Variants in GYG2 observed in about 807,000 individuals in gnomAD.
GYG2 encodes glycogenin-2.
GYG2 carries 29 observed loss-of-function variants against 29.4 expected under a neutral mutation model. That is an observed-to-expected ratio of 0.99 (90% CI 0.74 to 1.35). The LOEUF is 1.35. Ranked by LOEUF, GYG2 falls within the 40% of genes most tolerant of loss-of-function variation. GYG2 has a pLI of 0.00. For synonymous variants in GYG2, 167 were observed against 172.3 expected (o/e 0.97, Z 0.24); for missense variants, 370 against 385.7 (o/e 0.96, Z 0.34).
chrX:2,881,000 C>T, intron 10 of GYG2, 52 bp from the exon 11 acceptor site: 1 of 1,145,254 alleles, frequency 8.7e-7, no homozygotes, highest in Admixed American at 2.3e-5. Flanking sequence ...GCAGTCTTTC[C>T]CTCGATAATG....
chrX:2,830,452 T>C (rs1026746750), intron 2 of GYG2, among the ~76,000 whole-genome samples: 1 of 112,150 alleles, frequency 8.9e-6, no homozygotes. Flanking sequence ...AATATAGTCC[T>C]GAAACTTTCA....
In GYG2 at chrX:2,843,209, A is replaced by G. The variant is rs1382345819; in HGVS notation, c.8-4A>G. ...AACTCTGGTGTTTCTGTTGATTTTCACAGTGACTGATCAGGCTTTTGTCAC... is the reference window on the plus strand; with the variant it reads ...AACTCTGGTGTTTCTGTTGATTTTCGCAGTGACTGATCAGGCTTTTGTCAC... On this transcript the variant is annotated splice_polypyrimidine_tract_variant and splice_region_variant and intron_variant, in intron 2 of 10. Coordinates refer to ENST00000398806, the MANE Select transcript of GYG2 (RefSeq NM_001079855.2). 3.3e-6 allele frequency: 4 copies of G among 1,200,996 alleles called. No homozygotes were observed. Among genetic ancestry groups the G allele is most frequent in the Non-Finnish European group, 4.5e-6 (4 of 887,505 alleles).
chrX:2,836,455 G>A (rs941446726), intron 2 of GYG2, among the ~76,000 whole-genome samples: 4 of 110,339 alleles, frequency 3.6e-5, no homozygotes, highest in Non-Finnish European at 7.6e-5. Context: ...GATTGCTTGA[G>A]GCCAGGAGTT....
intron 8 of GYG2, among the ~76,000 whole-genome samples, chrX:2,869,492 T>C (rs1490599103): frequency 3.6e-5 from 4 of 111,998 alleles, no homozygotes; most frequent in African/African-American, 1.3e-4. Context: ...CTCTGGGTTT[T>C]TTATTTAGGG....
Position 2,861,540 on chromosome X carries a change from G to T in GYG2, c.856G>T (p.Gly286Trp). ...PGHTLCHSDV[G>W]GPCADSASGV... is the part of the protein sequence containing the mutation. ...TGTGCAGCTTTGCCACAGTGATGTG[G>T]GGGGGCCGTGTGCGGATTCAGCCTC... The change falls in exon 8 of 11, where the codon GGG becomes TGG. Residue 286 changes from glycine to tryptophan, a missense_variant. Gly to Trp is a radical substitution (Grantham distance 184, BLOSUM62 -2). Transcript: ENST00000398806. The T allele has an allele frequency of 8.3e-6, 10 of 1,207,273 alleles. No individual in the cohort carries two copies. The highest frequency in any genetic ancestry group is 1.1e-5 in the Non-Finnish European group (10 of 892,547).
rs181498925 is a variant in GYG2 at position 2,875,484 on chromosome X, G to A, written c.1039-326G>A. Reference sequence around the variant, plus strand: ...AGGATAGGAATATCTTATTCCTCTCGTTGCCCAGCCCAGAGGTGACTCACA... The same window carrying A: ...AGGATAGGAATATCTTATTCCTCTCATTGCCCAGCCCAGAGGTGACTCACA... On this transcript the variant is annotated intron_variant, in intron 8 of 10. Coordinates refer to ENST00000398806, the MANE Select transcript of GYG2 (RefSeq NM_001079855.2). Among the ~76,000 whole-genome samples, 112 of 109,188 alleles carry A rather than the reference G, an allele frequency of 1.0e-3. No homozygotes were observed. In the East Asian group the frequency reaches 0.011, roughly 10 times the overall value. 94.8% of individuals were successfully genotyped at this position (109,188 alleles called of 115,157 possible). A position where few individuals can be genotyped will look rare whatever the true frequency, so the allele number is the denominator to read the frequency against.
rs201812448 is a variant in GYG2, at chrX:2,837,567, GT to G, written c.8-5644del. Among the ~76,000 whole-genome samples the G allele has an allele frequency of 5.6e-3, 621 of 110,469 alleles. 8 individuals carry two copies. The highest frequency in any genetic ancestry group is 0.018 in the African/African-American group (561 of 30,353). ...CTCAAAACAACGCCCCTCCTCGGGAGTTCTCTTACCTTTGTCATTGTAGTTC... is the reference window on the plus strand; with the variant it reads ...CTCAAAACAACGCCCCTCCTCGGGAGTCTCTTACCTTTGTCATTGTAGTTC... On this transcript the variant is annotated intron_variant, in intron 2 of 10. Coordinates refer to ENST00000398806, the MANE Select transcript of GYG2 (RefSeq NM_001079855.2).
chrX:2,845,072 T>TA, intron 3 of GYG2, among the ~76,000 whole-genome samples: 1 of 86,316 alleles, frequency 1.2e-5, no homozygotes, highest in Admixed American at 1.3e-4. Context: ...TGTATGTATA[T>TA]TTATATACAC....
intron 9 of GYG2, among the ~76,000 whole-genome samples, 161 bp downstream of exon 9, chrX:2,876,075 C>T (rs2088593062): frequency 1.3e-5 from 1 of 79,704 alleles, no homozygotes; most frequent in African/African-American, 5.0e-5. Flanking sequence ...TGGTTTCTCC[C>T]ACCTGGAATA....
intron 2 of GYG2, among the ~76,000 whole-genome samples, chrX:2,840,228 C>T (rs2087463805): frequency 1.8e-5 from 2 of 111,614 alleles, no homozygotes; most frequent in South Asian, 7.5e-4. Flanking sequence ...GTCAGAGAAA[C>T]CCTGGTGAGG....
At chrX:2,852,400 C>G (rs1187013713) in intron 3 of GYG2, among the ~76,000 whole-genome samples, 3 of 111,515 alleles carry the variant, frequency 2.7e-5, no homozygotes, top group Non-Finnish European at 5.6e-5. Context: ...TCAATATGCC[C>G]CCATCCTTTT....
chrX:2,853,121 T>C (rs1277135796), intron 3 of GYG2: 4 of 111,737 alleles, frequency 3.6e-5, no homozygotes, highest in African/African-American at 1.3e-4. Flanking sequence ...TTCAAGTGAT[T>C]CTCCTGCCTC....
At chrX:2,868,570 C>T (rs2088365069) in intron 8 of GYG2, among the ~76,000 whole-genome samples, 1 of 110,079 alleles carries the variant, frequency 9.1e-6, no homozygotes, top group Non-Finnish European at 1.9e-5. Context: ...GTGAATACTG[C>T]GTCGGGGAAA....
chrX:2,845,710 T>C lies in GYG2; in HGVS notation c.149+2356T>C, dbSNP rs181140641. 2.9e-3 allele frequency among the ~76,000 whole-genome samples: 307 copies of C among 106,603 alleles called. 2 individuals carry two copies. Among genetic ancestry groups the C allele is most frequent in the African/African-American group, 8.9e-3 (263 of 29,656 alleles). 92.6% of individuals were successfully genotyped at this position (106,603 alleles called of 115,157 possible). On this transcript the variant is annotated intron_variant, in intron 3 of 10. Transcript: ENST00000398806. Reference sequence around the variant, plus strand: ...ACATACATTTATTTATGCATGTGTATGTACATATATTTATGCATGTGTACG... The same window carrying C: ...ACATACATTTATTTATGCATGTGTACGTACATATATTTATGCATGTGTACG...
rs916744464 is a variant in GYG2 at position 2,880,981 on chromosome X, T to C, written c.1252-71T>C. 2.0e-5 allele frequency: 20 copies of C among 976,999 alleles called. No individual in the cohort carries two copies. In the African/African-American group the frequency reaches 3.4e-4, roughly 17 times the overall value. The allele number at this position is 976,999 out of a possible 1,213,427, so 80.5% of individuals were successfully genotyped here. On this transcript the variant is annotated intron_variant, in intron 10 of 10. Transcript: ENST00000398806. The stretch of plus-strand genomic sequence containing the variant: ...TCTTTCTGCGGGACCCTACACTGGA[T>C]GGGTTTTAGCAGTCTTTCCCTCGAT...
chrX:2,859,522 G>C lies in GYG2; in HGVS notation c.615-321G>C, dbSNP rs145123430. ...ACATTGATAGTAATATATTGTTATTGATCATATATTGATTACATGCATTGA... is the reference window on the plus strand; with the variant it reads ...ACATTGATAGTAATATATTGTTATTCATCATATATTGATTACATGCATTGA... On this transcript the variant is annotated intron_variant, in intron 6 of 10. Coordinates refer to ENST00000398806, the MANE Select transcript of GYG2 (RefSeq NM_001079855.2). Among the ~76,000 whole-genome samples, 931 of 110,272 alleles carry C rather than the reference G, an allele frequency of 8.4e-3. 10 individuals carry two copies. The highest frequency in any genetic ancestry group is 0.029 in the African/African-American group (882 of 30,339).
intron 10 of GYG2, chrX:2,877,545 CTT>C: frequency 3.0e-6 from 3 of 984,793 alleles, no homozygotes; most frequent in Non-Finnish European, 3.9e-6. Flanking sequence ...CTTTTTCTCT[CTT>C]TAAAAGCTGT....
rs1201687358 is a variant in GYG2, at chrX:2,878,167, A to T, written c.1251+860A>T. The T allele has an allele frequency of 2.6e-5, 19 of 738,213 alleles. No homozygotes were observed. In the South Asian group the frequency reaches 1.1e-3, roughly 43 times the overall value. 60.8% of individuals were successfully genotyped at this position (738,213 alleles called of 1,213,427 possible). ...TTGAGGCTCTGTGAATTGAATCTGT[A>T]GTTATTAGTGAGTGACAGGGCATCA... is the stretch of plus-strand genomic sequence containing the variant. On this transcript the variant is annotated intron_variant, in intron 10 of 10. Coordinates refer to ENST00000398806, the MANE Select transcript of GYG2 (RefSeq NM_001079855.2).
At chrX:2,848,738 T>G (rs1053880941) in intron 3 of GYG2, among the ~76,000 whole-genome samples, 3 of 111,622 alleles carry the variant, frequency 2.7e-5, no homozygotes, top group African/African-American at 9.8e-5. Flanking sequence ...GGATGGATAC[T>G]GCATTTTCCA....
Sources: gnomAD v4.1 joint callset for allele counts (sites outside exome capture counted in the v4.1 genomes callset) on GRCh38, gnomAD v4.1.1 for gene constraint, MANE v1.5 for transcripts, NCBI Gene and HGNC (gene_info 2026-07-23, HGNC 2026-07-21) for gene names.